Variants in CACNA2D1 observed in about 807,000 individuals in gnomAD.
CACNA2D1 encodes the protein voltage-dependent calcium channel subunit alpha-2/delta-1.
Under a neutral mutation model 171.5 loss-of-function variants are expected in CACNA2D1, and 53 were observed. That is an observed-to-expected ratio of 0.31 (90% confidence interval 0.25 to 0.39). CACNA2D1 has a LOEUF of 0.39. CACNA2D1 is among the 10% of genes least tolerant of loss of function. CACNA2D1 has a pLI of 1.00. For missense variants in CACNA2D1, 903 were observed against 1,299.8 expected, an observed-to-expected ratio of 0.69 and a Z score of 4.69; for synonymous variants, 442 against 443.1, an observed-to-expected ratio of 1.00 and a Z score of 0.03.
intron 3 of CACNA2D1, among the ~76,000 whole-genome samples, chr7:82,301,679 A>G (rs1196086551): frequency 3.3e-5 from 5 of 151,718 alleles, no homozygotes; most frequent in Admixed American, 3.3e-4. Context: ...AAATTTTCTT[A>G]CATAAATAAG....
In CACNA2D1 at chr7:82,013,374, T is replaced by G. The variant is rs1800034039; in HGVS notation, c.1272+87A>C. 6.4e-6 allele frequency: 3 copies of G among 472,378 alleles called. No individual in the cohort carries two copies. In the Admixed American group the frequency reaches 1.3e-4, roughly 20 times the overall value. The allele number at this position is 472,378 out of a possible 1,614,324, so 29.3% of individuals were successfully genotyped here. On this transcript the variant is annotated intron_variant, in intron 14 of 38. Coordinates refer to ENST00000356860, the MANE Select transcript of CACNA2D1 (RefSeq NM_000722.4). ...ATATTATAGATCTTTTCATTCTTGC[T>G]AATTTTCTCCATATTGAGCATATTT...
In CACNA2D1 at chr7:82,067,632, G is replaced by A. The variant is rs371404260; in HGVS notation, c.659-1108C>T. 2.0e-4 allele frequency among the ~76,000 whole-genome samples: 31 copies of A among 152,120 alleles called. 1 individual carries two copies. In the East Asian group the frequency reaches 2.9e-3, roughly 14 times the overall value. Reference sequence around the variant, plus strand: ...ATATAGCACTCTTCCAACCATTATTGACACAATCAATGTAACTGAAATGGT... The same window carrying A: ...ATATAGCACTCTTCCAACCATTATTAACACAATCAATGTAACTGAAATGGT... On this transcript the variant is annotated intron_variant, in intron 7 of 38. Transcript: ENST00000356860.
chr7:82,378,178 G>T (rs1036896430), intron 1 of CACNA2D1, among the ~76,000 whole-genome samples: 3 of 152,086 alleles, frequency 2.0e-5, no homozygotes, highest in African/African-American at 7.2e-5. Context: ...CAAGAGGACT[G>T]CTTGAGCCCA....
chr7:82,057,652 G>A (rs1806101311), intron 10 of CACNA2D1, among the ~76,000 whole-genome samples: 2 of 152,092 alleles, frequency 1.3e-5, no homozygotes, highest in Admixed American at 1.3e-4. Flanking sequence ...AATGGTAAGA[G>A]GGAACTTGGG....
rs139526006 is a variant in CACNA2D1, at chr7:81,967,756, A to G, written c.2396-93T>C. 1.2e-5 allele frequency: 8 copies of G among 661,914 alleles called. No homozygotes were observed. In the East Asian group the frequency reaches 2.2e-4, roughly 18 times the overall value. 41.0% of individuals were successfully genotyped at this position (661,914 alleles called of 1,614,324 possible). On this transcript the variant is annotated intron_variant, in intron 29 of 38. Coordinates refer to ENST00000356860, the MANE Select transcript of CACNA2D1 (RefSeq NM_000722.4). Reference sequence around the variant, plus strand: ...TTATTTTGATAGCAAGTATCAGACTATAGTTTATTACAGAAGTTTTAGTTT... The same window carrying G: ...TTATTTTGATAGCAAGTATCAGACTGTAGTTTATTACAGAAGTTTTAGTTT...
At chr7:82,097,939 C>A (rs1812098149) in intron 6 of CACNA2D1, among the ~76,000 whole-genome samples, 1 of 151,994 alleles carries the variant, frequency 6.6e-6, no homozygotes, top group South Asian at 2.1e-4. Context: ...CATGGTGAAA[C>A]CCTGTCTCTA....
intron 10 of CACNA2D1, among the ~76,000 whole-genome samples, chr7:82,046,329 A>T (rs903592347): frequency 5.9e-5 from 9 of 152,350 alleles, no homozygotes; most frequent in African/African-American, 2.2e-4. Flanking sequence ...AGTCAGAGAC[A>T]TAAATATCTT....
At chr7:82,138,581 G>A (rs1791988493) in intron 4 of CACNA2D1, among the ~76,000 whole-genome samples, 1 of 151,402 alleles carries the variant, frequency 6.6e-6, no homozygotes, top group African/African-American at 2.4e-5. Context: ...AAAGTAGCTG[G>A]GACTACAGGC....
intron 18 of CACNA2D1, among the ~76,000 whole-genome samples, chr7:82,001,075 T>C (rs1368339936): frequency 6.6e-6 from 1 of 152,124 alleles, no homozygotes; most frequent in African/African-American, 2.4e-5. Context: ...TACTGTGCAT[T>C]TAGAAATATT....
At chr7:82,196,841 A>AAATGT (rs1798904964) in intron 3 of CACNA2D1, among the ~76,000 whole-genome samples, 1 of 151,908 alleles carries the variant, frequency 6.6e-6, no homozygotes, top group African/African-American at 2.4e-5. Context: ...ATATGTGAAT[A>AAATGT]GAGGATGGTT....
At chr7:82,221,439 AC>A (rs1801750239) in intron 3 of CACNA2D1, among the ~76,000 whole-genome samples, 1 of 152,152 alleles carries the variant, frequency 6.6e-6, no homozygotes, top group Non-Finnish European at 1.5e-5. Flanking sequence ...TTGAGCTATG[AC>A]CTGGCTTTAG....
At chr7:82,422,962 G>T (rs372943171) in intron 1 of CACNA2D1, among the ~76,000 whole-genome samples, 1 of 151,940 alleles carries the variant, frequency 6.6e-6, no homozygotes, top group African/African-American at 2.4e-5. Context: ...TCCACAAAAT[G>T]AAAAAGCTCT....
intron 12 of CACNA2D1, among the ~76,000 whole-genome samples, chr7:82,015,941 C>T (rs932400374): frequency 7.9e-5 from 12 of 152,170 alleles, no homozygotes; most frequent in Non-Finnish European, 1.6e-4. Flanking sequence ...CTTACATCAT[C>T]CAGGTTTGCC....
intron 3 of CACNA2D1, among the ~76,000 whole-genome samples, chr7:82,193,272 A>G (rs1798524953): frequency 6.6e-6 from 1 of 152,026 alleles, no homozygotes. Context: ...AACAATGCAC[A>G]TTTACAGATT....
intron 10 of CACNA2D1, among the ~76,000 whole-genome samples, chr7:82,048,130 T>C (rs1429213794): frequency 6.7e-6 from 1 of 149,312 alleles, no homozygotes. Flanking sequence ...CATTAAATTG[T>C]ATCTGGGATG....
At chr7:82,157,638 A>G (rs900469731) in intron 4 of CACNA2D1, among the ~76,000 whole-genome samples, 11 of 152,052 alleles carry the variant, frequency 7.2e-5, no homozygotes, top group African/African-American at 2.7e-4. Context: ...CCTCCTAGCC[A>G]AAGAAGCAGG....
intron 3 of CACNA2D1, among the ~76,000 whole-genome samples, chr7:82,186,259 G>A (rs139463061): frequency 0.018 from 1,675 of 92,288 alleles, 35 homozygotes; most frequent in African/African-American, 0.054. Context: ...AGGAAGAAAG[G>A]AAGGAAGGAA....
At chr7:82,352,131 A>G (rs751615078) in intron 1 of CACNA2D1, among the ~76,000 whole-genome samples, 10 of 152,192 alleles carry the variant, frequency 6.6e-5, no homozygotes, top group Middle Eastern at 3.2e-3. Context: ...GAACCCATCC[A>G]GTCTTCCCTA....
intron 3 of CACNA2D1, among the ~76,000 whole-genome samples, chr7:82,248,347 T>C (rs1016544107): frequency 6.6e-6 from 1 of 152,162 alleles, no homozygotes; most frequent in South Asian, 2.1e-4. Context: ...ATGAAGGCCC[T>C]TCTGCTGACC....
Sources: allele counts gnomAD v4.1 joint callset (sites outside exome capture counted in the v4.1 genomes callset), GRCh38; gene constraint gnomAD v4.1.1; transcripts MANE v1.5; gene names NCBI Gene and HGNC (gene_info 2026-07-23, HGNC 2026-07-21).